The following SPATA31H1 variants were observed in gnomAD, a reference collection of about 807,000 sequenced individuals.
SPATA31H1 encodes the protein SPATA31 subfamily H member 1, also known as spermatogenesis-associated protein 31H1.
chr2:27,542,851 C>T, the SPATA31H1 span, among the ~76,000 whole-genome samples: 1 of 151,920 alleles, frequency 6.6e-6, no homozygotes, highest in Admixed American at 6.6e-5. Flanking sequence ...AATCCCAGAA[C>T]TTTGGGAGGC....
the SPATA31H1 span, among the ~76,000 whole-genome samples, chr2:27,544,710 T>TTTTTA: frequency 4.0e-5 from 6 of 151,400 alleles, no homozygotes; most frequent in African/African-American, 1.5e-4. Context: ...AACTTTTGTA[T>TTTTTA]TTTTAGTAGG....
chr2:27,558,815 C>T, the SPATA31H1 span, among the ~76,000 whole-genome samples: 2 of 112,984 alleles, frequency 1.8e-5, no homozygotes, highest in East Asian at 2.6e-4. Context: ...GCAGGAGAAT[C>T]AGGCAGGGAG....
chr2:27,558,784 G>T, the SPATA31H1 span, among the ~76,000 whole-genome samples: 1 of 104,930 alleles, frequency 9.5e-6, no homozygotes, highest in East Asian at 2.8e-4. Flanking sequence ...GCCTGCAATC[G>T]CAGGCACTCG....
the SPATA31H1 span, chr2:27,580,752 C>T: frequency 6.2e-7 from 1 of 1,614,156 alleles, no homozygotes; most frequent in Non-Finnish European, 8.5e-7. Context: ...TTATCCAAAA[C>T]AAAATGCCAG....
the SPATA31H1 span, among the ~76,000 whole-genome samples, chr2:27,543,206 T>G: frequency 6.6e-6 from 1 of 152,098 alleles, no homozygotes; most frequent in South Asian, 2.1e-4. Flanking sequence ...TGCAGCAGCA[T>G]TTCCAAACCT....
At chr2:27,576,906 A>C in the SPATA31H1 span, 20,538 of 1,614,070 alleles carry the variant, frequency 0.013, 157 homozygotes, top group Non-Finnish European at 0.015. Context: ...TCCAAGAACA[A>C]ATTATCAAAT....
chr2:27,556,689 T>C, the SPATA31H1 span, among the ~76,000 whole-genome samples: 3 of 101,494 alleles, frequency 3.0e-5, no homozygotes, highest in Non-Finnish European at 4.3e-5. Flanking sequence ...ATAAAGGGCA[T>C]ATATTTTTTT....
At chr2:27,561,967 C>T in the SPATA31H1 span, among the ~76,000 whole-genome samples, 1 of 152,230 alleles carries the variant, frequency 6.6e-6, no homozygotes, top group East Asian at 1.9e-4. Flanking sequence ...TCCCAAAGTG[C>T]TGGGATTACA....
chr2:27,571,237 C>A, the SPATA31H1 span: 7 of 398,300 alleles, frequency 1.8e-5, no homozygotes, highest in Non-Finnish European at 3.1e-5. Context: ...GAGGAGGTAA[C>A]CCCGGGCTCA....
chr2:27,556,836 A>T, the SPATA31H1 span, among the ~76,000 whole-genome samples: 1 of 114,920 alleles, frequency 8.7e-6, no homozygotes, highest in African/African-American at 3.5e-5. Context: ...TGGTTTTCCT[A>T]GGCAGAGGAC....
chr2:27,554,186 A>G, the SPATA31H1 span, among the ~76,000 whole-genome samples: 2 of 151,968 alleles, frequency 1.3e-5, no homozygotes, highest in African/African-American at 4.8e-5. Flanking sequence ...CTTTCTCTAC[A>G]ATTCTCCTCT....
At chr2:27,570,777 C>A in the SPATA31H1 span, 1 of 398,888 alleles carries the variant, frequency 2.5e-6, no homozygotes, top group Non-Finnish European at 4.4e-6. Flanking sequence ...GTTGTTAGTA[C>A]CAGAGCCACT....
At chr2:27,539,634 CA>C in the SPATA31H1 span, among the ~76,000 whole-genome samples, 1 of 111,234 alleles carries the variant, frequency 9.0e-6, no homozygotes, top group African/African-American at 3.6e-5. Flanking sequence ...CCGCTGGGCA[CA>C]CCTCCCAGAC....
the SPATA31H1 span, chr2:27,581,870 T>C: frequency 1.4e-5 from 23 of 1,610,426 alleles, no homozygotes; most frequent in Middle Eastern, 1.6e-4. Flanking sequence ...AGAGAAGCCA[T>C]TGCAGTCCCT....
At chr2:27,580,752 C>G in the SPATA31H1 span, 4 of 1,614,038 alleles carry the variant, frequency 2.5e-6, no homozygotes, top group Non-Finnish European at 3.4e-6. Flanking sequence ...TTATCCAAAA[C>G]AAAATGCCAG....
chr2:27,556,390 T>C, the SPATA31H1 span, among the ~76,000 whole-genome samples: 3 of 151,594 alleles, frequency 2.0e-5, no homozygotes, highest in East Asian at 5.8e-4. Context: ...ACTGTTAGCT[T>C]TCAAATGTTG....
chr2:27,578,558 A>AT, the SPATA31H1 span: 1 of 1,613,972 alleles, frequency 6.2e-7, no homozygotes, highest in Non-Finnish European at 8.5e-7. Flanking sequence ...CTGCAGAATT[A>AT]ACCTCACCGC....
the SPATA31H1 span, among the ~76,000 whole-genome samples, chr2:27,547,505 A>C: frequency 9.2e-5 from 14 of 151,934 alleles, no homozygotes; most frequent in African/African-American, 3.4e-4. Context: ...TGTCTTAACT[A>C]TTCTAGGTCA....
At chr2:27,537,518 T>C in the SPATA31H1 span, 75 of 717,302 alleles carry the variant, frequency 1.0e-4, no homozygotes, top group South Asian at 3.7e-4. Flanking sequence ...CTTTGGACAC[T>C]GTTTTCCAGG....
Sources: allele counts gnomAD v4.1 joint callset (sites outside exome capture counted in the v4.1 genomes callset), GRCh38; gene constraint gnomAD v4.1.1; transcripts MANE v1.5; gene names NCBI Gene and HGNC (gene_info 2026-07-23, HGNC 2026-07-21).